The following FAM76A variants were observed in gnomAD, a reference collection of about 807,000 sequenced individuals.
FAM76A encodes protein FAM76A.
FAM76A carries 32 observed loss-of-function variants against 46.2 expected under a neutral mutation model. That is an observed-to-expected ratio of 0.69 (90% CI 0.52 to 0.93). FAM76A has a LOEUF of 0.93. Ranked by LOEUF, FAM76A falls within the 40% of genes least tolerant of loss-of-function variation. FAM76A has a pLI of 0.00. For missense variants in FAM76A, 274 were observed against 361.5 expected, an observed-to-expected ratio of 0.76 and a Z score of 1.96; for synonymous variants, 137 against 127.0, an observed-to-expected ratio of 1.08 and a Z score of -0.53.
Position 27,759,555 on chromosome 1 carries a change from C to A in FAM76A, c.765C>A (p.Tyr255Ter). ...KITELKADFQ[Y>*]QESQMRAKMN... ...CAGAGTTGAAGGCTGATTTTCAGTACCAGGAATCGCAGATGAGAGCCAAAA... is the reference window on the plus strand; with the variant it reads ...CAGAGTTGAAGGCTGATTTTCAGTAACAGGAATCGCAGATGAGAGCCAAAA... Residue 255 changes from tyrosine to a stop codon, truncating the protein, a stop_gained, in exon 8 of 9, where the codon TAC (tyrosine) becomes TAA (stop). Coordinates refer to ENST00000373954, the MANE Select transcript of FAM76A (RefSeq NM_152660.3). LOFTEE classifies it high-confidence loss of function. 1 of 1,613,378 alleles carries A rather than the reference C, an allele frequency of 6.2e-7. No homozygotes were observed.
chr1:27,736,468 T>C (rs898879462), intron 4 of FAM76A, among the ~76,000 whole-genome samples: 1 of 152,244 alleles, frequency 6.6e-6, no homozygotes, highest in Admixed American at 6.5e-5. Context: ...GATCAGATCT[T>C]AGTGCTGTTA....
rs1553179878 is a variant in FAM76A at position 27,759,766 on chromosome 1, G to GTTTTTTTTTTTTGTT, written c.837+148_837+162dup. 9 of 485,586 alleles carry GTTTTTTTTTTTTGTT rather than the reference G, an allele frequency of 1.9e-5. No individual in the cohort carries two copies. In the African/African-American group the frequency reaches 2.6e-4, roughly 14 times the overall value. 30.1% of individuals were successfully genotyped at this position (485,586 alleles called of 1,614,324 possible). On this transcript the variant is annotated intron_variant, in intron 8 of 8. Coordinates refer to ENST00000373954, the MANE Select transcript of FAM76A (RefSeq NM_152660.3). ...CAAATCATGTTAATCCCCCTTTTAG[G>GTTTTTTTTTTTTGTT]TTTTTTTTTTTTGTTTTTTTTTTGA...
chr1:27,739,954 A>G (rs2088123898), intron 4 of FAM76A: 1 of 262,364 alleles, frequency 3.8e-6, no homozygotes, highest in South Asian at 4.8e-5. Flanking sequence ...AGCCAGTGCT[A>G]TGGCTTTAGG....
In FAM76A at chr1:27,734,189, T is replaced by C. The variant is rs1361541187; in HGVS notation, c.354+6T>C. 1.3e-6 allele frequency: 2 copies of C among 1,563,266 alleles called. No individual in the cohort carries two copies. Among genetic ancestry groups the C allele is most frequent in the Admixed American group, 2.1e-5 (1 of 46,868 alleles). On this transcript the variant is annotated splice_donor_region_variant and intron_variant, in intron 4 of 8. Coordinates refer to ENST00000373954, the MANE Select transcript of FAM76A (RefSeq NM_152660.3). The stretch of plus-strand genomic sequence containing the variant: ...GGAAAGATGATAGAAAGAAGGTAAA[T>C]CTCTGTTTTTCTTGATTTCTTTTTT...
In FAM76A at chr1:27,760,497, CA is replaced by C. The variant is rs1425404381; in HGVS notation, c.845del (p.Asn282ThrfsTer5). The C allele has an allele frequency of 1.2e-6, 2 of 1,606,822 alleles. No individual in the cohort carries two copies. The highest frequency in any genetic ancestry group is 8.5e-7 in the Non-Finnish European group (1 of 1,176,436). On this transcript the variant is annotated frameshift_variant, in exon 9 of 9. Transcript: ENST00000373954. LOFTEE classifies it high-confidence loss of function. ...GCACTGATTTTTTTTTTCTTTAGGC[CA>C]AAAACCGAGAGCTCCTGAAGCAGGC... ...HKEVTEQLQAKNRELLKQAAA... is the reference protein window; with the variant it reads ...HKEVTEQLQAXNRELLKQAAA...
intron 6 of FAM76A, among the ~76,000 whole-genome samples, chr1:27,753,291 C>G (rs1260969671): frequency 6.6e-6 from 1 of 152,172 alleles, no homozygotes; most frequent in Non-Finnish European, 1.5e-5. Flanking sequence ...TCACAAGAAG[C>G]AGGAAGGGTA....
chr1:27,734,453 A>G (rs1423627705), intron 4 of FAM76A, among the ~76,000 whole-genome samples: 1 of 152,090 alleles, frequency 6.6e-6, no homozygotes, highest in South Asian at 2.1e-4. Context: ...AGGCTGGGGC[A>G]GAAGAATCAC....
Position 27,744,755 on chromosome 1 carries a change from T to C in FAM76A, c.456T>C (p.Ala152=). Residue 152 remains alanine, a synonymous_variant, in exon 5 of 9, where the codon GCT becomes GCC. Coordinates refer to ENST00000373954, the MANE Select transcript of FAM76A (RefSeq NM_152660.3). The part of the protein sequence containing the change: ...QRKHLSSSSR[A]GHQEKEQYSR... ...AACACCTGAGTAGCTCTTCTCGTGC[T>C]GGCCACCAGGAGAAGGAGCAGTATA... 1 of 1,614,186 alleles carries C rather than the reference T, an allele frequency of 6.2e-7. No individual in the cohort carries two copies. Among genetic ancestry groups the C allele is most frequent in the Non-Finnish European group, 8.5e-7 (1 of 1,180,018 alleles).
chr1:27,726,169 G>C lies in FAM76A; in HGVS notation c.81+8G>C. Reference sequence around the variant, plus strand: ...GGGCAGCAGCTGTGCAAGGTGCGCGGGCTGGGGCGGCGGCCGGGAACTGGG... The same window carrying C: ...GGGCAGCAGCTGTGCAAGGTGCGCGCGCTGGGGCGGCGGCCGGGAACTGGG... On this transcript the variant is annotated splice_region_variant and intron_variant, in intron 1 of 8. Coordinates refer to ENST00000373954, the MANE Select transcript of FAM76A (RefSeq NM_152660.3). 1 of 1,276,454 alleles carries C rather than the reference G, an allele frequency of 7.8e-7. No homozygotes were observed. The highest frequency in any genetic ancestry group is 9.9e-7 in the Non-Finnish European group (1 of 1,011,170). 79.1% of individuals were successfully genotyped at this position (1,276,454 alleles called of 1,614,324 possible).
chr1:27,728,606 G>A lies in FAM76A; in HGVS notation c.146+1070G>A, dbSNP rs540304445. 2.4e-4 allele frequency among the ~76,000 whole-genome samples: 36 copies of A among 152,198 alleles called. No individual in the cohort carries two copies. The East Asian group carries it at 6.6e-3, about 28-fold the overall frequency. On this transcript the variant is annotated intron_variant, in intron 2 of 8. Transcript: ENST00000373954. The stretch of plus-strand genomic sequence containing the variant: ...GGCCCAAGTGATTCCTTCCTCGTTA[G>A]CCTCTCAAGATGTTGGAATTACAGG...
At chr1:27,726,562 G>A (rs565190268) in intron 1 of FAM76A, among the ~76,000 whole-genome samples, 1 of 152,254 alleles carries the variant, frequency 6.6e-6, no homozygotes, top group African/African-American at 2.4e-5. Flanking sequence ...TTGGAGGAAT[G>A]TGTCGAACTC....
intron 4 of FAM76A, among the ~76,000 whole-genome samples, chr1:27,738,757 A>T (rs905730737): frequency 3.3e-5 from 5 of 152,200 alleles, no homozygotes; most frequent in African/African-American, 1.2e-4. Flanking sequence ...TTTAGATATT[A>T]GTGCTATAAA....
chr1:27,739,365 G>C (rs1017906707), intron 4 of FAM76A: 9 of 523,570 alleles, frequency 1.7e-5, no homozygotes, highest in Non-Finnish European at 2.3e-5. Flanking sequence ...ACTTAAATAT[G>C]GAACACCTCA....
intron 5 of FAM76A, among the ~76,000 whole-genome samples, chr1:27,748,435 T>C (rs903562964): frequency 2.7e-5 from 4 of 149,978 alleles, no homozygotes; most frequent in Admixed American, 1.3e-4. Flanking sequence ...AAAGAACTTT[T>C]TAAACTAGAA....
At chr1:27,743,300 AC>A (rs756980266) in intron 4 of FAM76A, among the ~76,000 whole-genome samples, 54 of 152,060 alleles carry the variant, frequency 3.6e-4, no homozygotes, top group Middle Eastern at 6.8e-3. Flanking sequence ...ACAGGCATGC[AC>A]CACCACACCT....
chr1:27,734,008 T>C, intron 3 of FAM76A, 23 bp from the exon 4 acceptor site: 1 of 1,596,808 alleles, frequency 6.3e-7, no homozygotes, highest in South Asian at 1.1e-5. Flanking sequence ...AATACTTACT[T>C]GACTCTTTTT....
At chr1:27,732,759 A>G in intron 3 of FAM76A, 102 bp downstream of exon 3, 1 of 848,400 alleles carries the variant, frequency 1.2e-6, no homozygotes, top group Non-Finnish European at 1.8e-6. Flanking sequence ...ATTAGAATAA[A>G]TGGTTATGTG....
Position 27,727,518 on chromosome 1 carries a change from C to G in FAM76A, c.128C>G (p.Thr43Ser). Residue 43 changes from threonine (T) to serine (S), a missense_variant, in exon 2 of 9, where the codon ACT becomes AGT. Coordinates refer to ENST00000373954, the MANE Select transcript of FAM76A (RefSeq NM_152660.3). ...HPVVKCTYCRTEYQQESKTNT... is the reference protein window; with the variant it reads ...HPVVKCTYCRSEYQQESKTNT... ...GTTGTGAAGTGCACCTACTGCAGGA[C>G]TGAGTACCAGCAGGAGAGGTAGAGT... 6.2e-7 allele frequency: 1 copy of G among 1,613,440 alleles called. No homozygotes were observed. Among genetic ancestry groups the G allele is most frequent in the Non-Finnish European group, 8.5e-7 (1 of 1,179,384 alleles).
chr1:27,749,268 A>C (rs2088295722), intron 6 of FAM76A, 114 bp downstream of exon 6: 1 of 589,422 alleles, frequency 1.7e-6, no homozygotes, highest in Non-Finnish European at 2.9e-6. Flanking sequence ...AGTGAATCTT[A>C]TAAGTAAGCA....
Sources: allele counts gnomAD v4.1 joint callset (sites outside exome capture counted in the v4.1 genomes callset), GRCh38; gene constraint gnomAD v4.1.1; transcripts MANE v1.5; gene names NCBI Gene and HGNC (gene_info 2026-07-23, HGNC 2026-07-21).